Variants in ADGRE1 observed in about 807,000 individuals in gnomAD.
ADGRE1 encodes adhesion G protein-coupled receptor E1.
In ADGRE1, 82 loss-of-function variants were observed where a neutral mutation model predicts 102.7. That is an observed-to-expected ratio of 0.80 (90% CI 0.67 to 0.96). The LOEUF (loss-of-function observed/expected upper bound fraction) is 0.96, where lower values mean the gene tolerates loss of function less well. Among genes scored for constraint, ADGRE1 ranks in the 40% least tolerant of loss-of-function variants. The pLI is 0.00. For missense variants in ADGRE1, 1,032 were observed against 1,085.3 expected, an observed-to-expected ratio of 0.95 and a Z score of 0.69; for synonymous variants, 398 against 399.6, an observed-to-expected ratio of 1.00 and a Z score of 0.05.
At chr19:6,908,657 A>G (rs1383761598) in intron 9 of ADGRE1, 32 bp from the exon 10 acceptor site, 66 of 1,502,004 alleles carry the variant, frequency 4.4e-5, no homozygotes, top group Non-Finnish European at 5.9e-5. Flanking sequence ...TCATGCTCAC[A>G]AATGCTCTTT....
chr19:6,891,887 T>TGGTGGC (rs548738159), intron 2 of ADGRE1, among the ~76,000 whole-genome samples: 170 of 152,236 alleles, frequency 1.1e-3, no homozygotes, highest in African/African-American at 4.0e-3. Flanking sequence ...AGGGCATGTC[T>TGGTGGC]GGTGGCCAGA....
chr19:6,936,676 G>C (rs1975419161), intron 18 of ADGRE1, among the ~76,000 whole-genome samples: 1 of 150,874 alleles, frequency 6.6e-6, no homozygotes, highest in Admixed American at 6.6e-5. Flanking sequence ...AGGCTAGAGG[G>C]CATTGGCACG....
In ADGRE1 at chr19:6,903,938, G is replaced by C; in HGVS notation, c.790G>C (p.Val264Leu). Residue 264 changes from valine (V) to leucine (L), a missense_variant, in exon 7 of 21, where the codon GTG becomes CTG. By Grantham distance (32) the Val-to-Leu change is conservative (BLOSUM62 1). Coordinates refer to ENST00000312053, the MANE Select transcript of ADGRE1 (RefSeq NM_001974.5). Reference protein sequence around the residue: ...NGQLNFTDQGVECRDIDECRQ... With the variant: ...NGQLNFTDQGLECRDIDECRQ... ...ACAGTTGAATTTCACAGACCAAGGA[G>C]TGGAATGTAGAGGTGAGCAGAGAGT... 6.2e-7 allele frequency: 1 copy of C among 1,614,232 alleles called. No homozygotes were observed. The highest frequency in any genetic ancestry group is 8.5e-7 in the Non-Finnish European group (1 of 1,180,038).
intron 10 of ADGRE1, among the ~76,000 whole-genome samples, chr19:6,910,551 G>A (rs139138422): frequency 4.5e-4 from 66 of 147,452 alleles, no homozygotes; most frequent in Admixed American, 2.0e-3. Context: ...CTTCTCTAAT[G>A]TGTCAAACTG....
At chr19:6,920,620 G>T (rs77143250) in intron 13 of ADGRE1, among the ~76,000 whole-genome samples, 43,785 of 143,096 alleles carry the variant, frequency 0.31, 7,604 homozygotes, top group African/African-American at 0.49. Context: ...ACCTCCTCGG[G>T]TAAAGCCATT....
chr19:6,932,004 A>G (rs1975173924), intron 17 of ADGRE1, among the ~76,000 whole-genome samples: 1 of 152,190 alleles, frequency 6.6e-6, no homozygotes. Context: ...GCAGTAATGA[A>G]CCAGAATGCT....
chr19:6,906,487 A>G lies in ADGRE1; in HGVS notation c.1004A>G (p.Gln335Arg). 6.2e-7 allele frequency: 1 copy of G among 1,614,006 alleles called. No individual in the cohort carries two copies. Among genetic ancestry groups the G allele is most frequent in the Non-Finnish European group, 8.5e-7 (1 of 1,179,906 alleles). Residue 335 changes from glutamine to arginine, a missense_variant, in exon 9 of 21, where the codon CAA becomes CGA. Gln to Arg is a conservative substitution (Grantham distance 43). Transcript: ENST00000312053. ...DVIPDNKQIQ[Q>R]CQEGTAVKPA... ...ATACCCGATAATAAGCAGATCCAGCAATGCCAAGAGGGAACCGCAGTGAAA... is the reference window on the plus strand; with the variant it reads ...ATACCCGATAATAAGCAGATCCAGCGATGCCAAGAGGGAACCGCAGTGAAA...
In ADGRE1 at chr19:6,896,381, C is replaced by G; in HGVS notation, c.95-17C>G. 1.9e-6 allele frequency: 3 copies of G among 1,612,308 alleles called. No homozygotes were observed. Among genetic ancestry groups the G allele is most frequent in the Non-Finnish European group, 2.5e-6 (3 of 1,178,746 alleles). ...ATGCTCTAATCTTGTCTAAACTTTT[C>G]TTTATACACTGCCTAGGTAATAACT... On this transcript the variant is annotated splice_polypyrimidine_tract_variant and intron_variant, in intron 2 of 20. Transcript: ENST00000312053.
At chr19:6,907,243 A>G (rs898244060) in intron 9 of ADGRE1, among the ~76,000 whole-genome samples, 3 of 152,194 alleles carry the variant, frequency 2.0e-5, no homozygotes, top group Admixed American at 2.0e-4. Flanking sequence ...TACACATAAC[A>G]TAAAATTCAC....
At chr19:6,913,533 A>C in intron 10 of ADGRE1, 120 bp from the exon 11 acceptor site, 2 of 901,384 alleles carry the variant, frequency 2.2e-6, no homozygotes, top group Non-Finnish European at 3.1e-6. Flanking sequence ...GCCCGAGTGG[A>C]TGCCCCTTTT....
At chr19:6,901,849 C>A (rs1229404034) in intron 5 of ADGRE1, 26 bp from the exon 6 acceptor site, 1 of 1,612,298 alleles carries the variant, frequency 6.2e-7, no homozygotes, top group South Asian at 1.1e-5. Flanking sequence ...TTTACCTTGA[C>A]CTGGGTTTTC....
chr19:6,934,551 G>A (rs7508535), intron 17 of ADGRE1, among the ~76,000 whole-genome samples: 12,044 of 148,382 alleles, frequency 0.081, 977 homozygotes, highest in African/African-American at 0.21. Flanking sequence ...CTCCCAAGTA[G>A]CTGGGATTAC....
intron 1 of ADGRE1, among the ~76,000 whole-genome samples, chr19:6,889,965 C>T (rs922987920): frequency 3.3e-5 from 5 of 152,038 alleles, no homozygotes; most frequent in East Asian, 3.9e-4. Flanking sequence ...TAGGCTGGAG[C>T]GCAGTGGCAT....
chr19:6,920,651 C>T (rs1055855092), intron 13 of ADGRE1, among the ~76,000 whole-genome samples: 5 of 147,816 alleles, frequency 3.4e-5, no homozygotes, highest in African/African-American at 9.9e-5. Flanking sequence ...GCTGGGATTA[C>T]GGGTGCCCAC....
At chr19:6,921,997 G>C in intron 14 of ADGRE1, 114 bp downstream of exon 14, 1 of 1,254,768 alleles carries the variant, frequency 8.0e-7, no homozygotes, top group Non-Finnish European at 1.1e-6. Context: ...TTGTGGGATG[G>C]AGTCACGGGG....
At chr19:6,900,254 C>T (rs906435042) in intron 5 of ADGRE1, among the ~76,000 whole-genome samples, 12 of 150,742 alleles carry the variant, frequency 8.0e-5, no homozygotes, top group African/African-American at 1.7e-4. Context: ...ATGGGAGAAT[C>T]GCTTAAGACC....
chr19:6,924,938 C>T (rs1974835842), intron 15 of ADGRE1, 66 bp downstream of exon 15: 1 of 1,534,136 alleles, frequency 6.5e-7, no homozygotes, highest in South Asian at 1.2e-5. Flanking sequence ...CAGCTCATTC[C>T]TAGCCAACTC....
chr19:6,915,834 T>C lies in ADGRE1; in HGVS notation c.1301-415T>C, dbSNP rs1974351401. Among the ~76,000 whole-genome samples the C allele has an allele frequency of 2.2e-5, 3 of 137,246 alleles. No homozygotes were observed. The Admixed American group carries it at 2.6e-4, about 12-fold the overall frequency. 90.0% of individuals were successfully genotyped at this position (137,246 alleles called of 152,430 possible). A position where few individuals can be genotyped will look rare whatever the true frequency, so the allele number is the denominator to read the frequency against. The stretch of plus-strand genomic sequence containing the variant: ...TACTTGGAAGGCTGAGGCAGGAGAA[T>C]GGCGTGAACCCGGGAGGCAGAGCTT... On this transcript the variant is annotated intron_variant, in intron 11 of 20. Transcript: ENST00000312053.
chr19:6,937,268 C>G lies in ADGRE1; in HGVS notation c.2407C>G (p.Gln803Glu), dbSNP rs915946240. 6.2e-7 allele frequency: 1 copy of G among 1,614,036 alleles called. No homozygotes were observed. Among genetic ancestry groups the G allele is most frequent in the Non-Finnish European group, 8.5e-7 (1 of 1,179,940 alleles). ...TRLLTFKAFA[Q>E]LFILGCSWVL... ...GTTACTGACCTTCAAGGCCTTTGCC[C>G]AGCTCTTCATCCTGGGCTGCTCCTG... The change falls in exon 19 of 21, where the codon CAG becomes GAG. Residue 803 changes from glutamine to glutamate, a missense_variant. Gln to Glu is a conservative substitution (Grantham distance 29). Coordinates refer to ENST00000312053, the MANE Select transcript of ADGRE1 (RefSeq NM_001974.5).
Sources: allele counts gnomAD v4.1 joint callset (sites outside exome capture counted in the v4.1 genomes callset), GRCh38; gene constraint gnomAD v4.1.1; transcripts MANE v1.5; gene names NCBI Gene and HGNC (gene_info 2026-07-23, HGNC 2026-07-21).